SLC22A23: variants seen among roughly 807,000 people sequenced by gnomAD.
The protein encoded by SLC22A23 is ion transporter protein.
Under a neutral mutation model 61.0 loss-of-function variants are expected in SLC22A23, and 26 were observed. The ratio of observed to expected loss-of-function variants is 0.43; its 90% confidence interval spans 0.31 to 0.59. The LOEUF (loss-of-function observed/expected upper bound fraction) is 0.59. Among genes scored for constraint, SLC22A23 ranks in the 20% least tolerant of loss-of-function variants. The probability of loss-of-function intolerance (pLI) is 0.11; values close to 1 mark genes in which losing one functional copy is unlikely to be tolerated. For synonymous variants in SLC22A23, 430 were observed against 413.9 expected (o/e 1.04, Z -0.47); for missense variants, 796 against 934.7 (o/e 0.85, Z 1.94).
chr6:3,295,233 G>C (rs1057203964), intron 5 of SLC22A23, among the ~76,000 whole-genome samples: 2 of 152,240 alleles, frequency 1.3e-5, no homozygotes, highest in Admixed American at 6.5e-5. Context: ...GGGAAGCGGG[G>C]AGAAGTGCTG....
intron 9 of SLC22A23, among the ~76,000 whole-genome samples, chr6:3,279,509 C>CAAAAAAAAAAAAAAAAAAAAAAAAA (rs10642564): frequency 1.9e-4 from 7 of 36,016 alleles, no homozygotes; most frequent in African/African-American, 3.7e-4. Flanking sequence ...GGCTCCGTCT[C>CAAAAAAAAAAAAAAAAAAAAAAAAA]AAAAAAAAAA....
intron 1 of SLC22A23, among the ~76,000 whole-genome samples, chr6:3,419,731 C>T (rs1013051456): frequency 3.3e-5 from 5 of 152,188 alleles, no homozygotes; most frequent in Non-Finnish European, 1.5e-5. Context: ...TCCAGAGGCC[C>T]GTTTACAGTT....
At chr6:3,320,405 A>C (rs1304119886) in intron 4 of SLC22A23, among the ~76,000 whole-genome samples, 1 of 152,176 alleles carries the variant, frequency 6.6e-6, no homozygotes, top group Non-Finnish European at 1.5e-5. Context: ...TGCCTCGTGC[A>C]GCTTGGTTTC....
intron 4 of SLC22A23, among the ~76,000 whole-genome samples, chr6:3,321,381 CACATGCACACACGTACACAT>C (rs1222331466): frequency 2.0e-5 from 3 of 151,032 alleles, no homozygotes; most frequent in African/African-American, 4.8e-5. Context: ...CACGTGCACA[CACATGCACACACGTACACAT>C]ACATGCACAC....
At chr6:3,448,796 C>G (rs1772038408) in intron 1 of SLC22A23, among the ~76,000 whole-genome samples, 1 of 152,184 alleles carries the variant, frequency 6.6e-6, no homozygotes, top group African/African-American at 2.4e-5. Flanking sequence ...GCCCAGCCCC[C>G]ACCATGTTTT....
rs368013062 is a variant in SLC22A23, at chr6:3,305,574, TG to T, written c.1083-7357del. Reference sequence around the variant, plus strand: ...GATAATGTGCAGCGTGGCCATATTATGGGAACTTAATGAAATCTCTGCTGAC... The same window carrying T: ...GATAATGTGCAGCGTGGCCATATTATGGAACTTAATGAAATCTCTGCTGAC... On this transcript the variant is annotated intron_variant, in intron 4 of 9. Coordinates refer to ENST00000406686, the MANE Select transcript of SLC22A23 (RefSeq NM_015482.2). Among the ~76,000 whole-genome samples the T allele has an allele frequency of 1.9e-3, 291 of 152,282 alleles. 1 individual carries two copies. The highest frequency in any genetic ancestry group is 6.8e-3 in the African/African-American group (281 of 41,546).
Position 3,272,682 on chromosome 6 carries a change from C to G in SLC22A23, c.*373G>C, listed in dbSNP as rs907185162. The G allele has an allele frequency of 4.3e-5, 7 of 163,996 alleles. No individual in the cohort carries two copies. The highest frequency in any genetic ancestry group is 6.6e-5 in the Non-Finnish European group (5 of 75,514). The allele number at this position is 163,996 out of a possible 1,614,324, so 10.2% of individuals were successfully genotyped here. A position where few individuals can be genotyped will look rare whatever the true frequency, so the allele number is the denominator to read the frequency against. On this transcript the variant is annotated 3_prime_UTR_variant, in exon 10 of 10. Coordinates refer to ENST00000406686, the MANE Select transcript of SLC22A23 (RefSeq NM_015482.2). ...TGCCAGGAGCCGTGTCCCATCTCCC[C>G]AGAGGGACCGGCCATGGCCCTGGTC...
chr6:3,283,675 C>T lies in SLC22A23; in HGVS notation c.1703+177G>A, dbSNP rs1479840730. On this transcript the variant is annotated intron_variant, in intron 9 of 9. Coordinates refer to ENST00000406686, the MANE Select transcript of SLC22A23 (RefSeq NM_015482.2). ...GGACCCCAGGGCCAGGTTCTCACTGCCTCTTGGGCGCCTCGGGGTTGGGTC... is the reference window on the plus strand; with the variant it reads ...GGACCCCAGGGCCAGGTTCTCACTGTCTCTTGGGCGCCTCGGGGTTGGGTC... 2.9e-6 allele frequency: 3 copies of T among 1,046,674 alleles called. No homozygotes were observed. The South Asian group carries it at 4.2e-5, about 15-fold the overall frequency. 64.8% of individuals were successfully genotyped at this position (1,046,674 alleles called of 1,614,324 possible).
chr6:3,352,466 C>T (rs540590240), intron 3 of SLC22A23, among the ~76,000 whole-genome samples: 68 of 152,240 alleles, frequency 4.5e-4, no homozygotes, highest in African/African-American at 1.6e-3. Flanking sequence ...CATTCACATA[C>T]ACGGCCACAT....
chr6:3,431,778 G>A (rs1363142458), intron 1 of SLC22A23, among the ~76,000 whole-genome samples: 5 of 152,190 alleles, frequency 3.3e-5, no homozygotes, highest in Non-Finnish European at 5.9e-5. Flanking sequence ...GCAAACAAAC[G>A]TGTCCACAGC....
intron 1 of SLC22A23, chr6:3,439,391 C>A: frequency 2.3e-6 from 1 of 436,246 alleles, no homozygotes. Flanking sequence ...CTAAGTGCAC[C>A]GGAGCCACTG....
chr6:3,422,384 C>T (rs570741351), intron 1 of SLC22A23, among the ~76,000 whole-genome samples: 5 of 152,238 alleles, frequency 3.3e-5, no homozygotes, highest in Non-Finnish European at 7.4e-5. Context: ...AAAGAAACAC[C>T]CTCCACAAGC....
At chr6:3,335,745 A>C (rs947668580) in intron 3 of SLC22A23, among the ~76,000 whole-genome samples, 5 of 152,166 alleles carry the variant, frequency 3.3e-5, no homozygotes, top group African/African-American at 9.7e-5. Flanking sequence ...AACCGTAATT[A>C]CTTTTGCACC....
chr6:3,435,971 C>T (rs1771184234), intron 1 of SLC22A23, among the ~76,000 whole-genome samples: 1 of 152,150 alleles, frequency 6.6e-6, no homozygotes, highest in African/African-American at 2.4e-5. Context: ...CCTGCCCACA[C>T]CTGGATCTAG....
chr6:3,431,840 C>T (rs1359809474), intron 1 of SLC22A23, among the ~76,000 whole-genome samples: 1 of 152,128 alleles, frequency 6.6e-6, no homozygotes, highest in Non-Finnish European at 1.5e-5. Context: ...GGGCTGACCT[C>T]GGTCATTTCC....
chr6:3,367,546 C>T (rs1765915705), intron 3 of SLC22A23, among the ~76,000 whole-genome samples: 1 of 152,142 alleles, frequency 6.6e-6, no homozygotes, highest in African/African-American at 2.4e-5. Context: ...TCAGAGAGTG[C>T]ATAGCAGGGG....
chr6:3,306,993 G>C (rs1325817154), intron 4 of SLC22A23, among the ~76,000 whole-genome samples: 1 of 152,230 alleles, frequency 6.6e-6, no homozygotes, highest in Non-Finnish European at 1.5e-5. Context: ...CTGCAGCGCG[G>C]TATGGATACA....
At chr6:3,347,557 CT>C (rs1414381138) in intron 3 of SLC22A23, among the ~76,000 whole-genome samples, 2 of 151,988 alleles carry the variant, frequency 1.3e-5, no homozygotes, top group Non-Finnish European at 1.5e-5. Context: ...CAGGTATCTG[CT>C]TGATCTCTTG....
intron 1 of SLC22A23, among the ~76,000 whole-genome samples, chr6:3,441,287 T>C (rs1771577645): frequency 1.3e-5 from 2 of 152,288 alleles, no homozygotes; most frequent in East Asian, 3.9e-4. Context: ...CCTTCTCTCC[T>C]GGATCTCTCC....
Sources: gnomAD v4.1 joint callset for allele counts (sites outside exome capture counted in the v4.1 genomes callset) on GRCh38, gnomAD v4.1.1 for gene constraint, MANE v1.5 for transcripts, NCBI Gene and HGNC (gene_info 2026-07-23, HGNC 2026-07-21) for gene names.